Variants in EXT1 observed in about 807,000 individuals in gnomAD.
EXT1 encodes the protein exostosin glycosyltransferase 1.
A neutral mutation model predicts 82.5 loss-of-function variants in EXT1; 20 were observed. The ratio of observed to expected loss-of-function variants is 0.24; its 90% confidence interval spans 0.17 to 0.35. The LOEUF is 0.35. Ranked by LOEUF, EXT1 falls within the 10% of genes least tolerant of loss-of-function variation. The probability of loss-of-function intolerance (pLI) is 1.00; values close to 1 mark genes in which losing one functional copy is unlikely to be tolerated. For synonymous variants in EXT1, 348 were observed against 350.8 expected (o/e 0.99, Z 0.09); for missense variants, 757 against 936.5 (o/e 0.81, Z 2.50).
At chr8:117,852,553 T>C (rs1222795529) in intron 1 of EXT1, among the ~76,000 whole-genome samples, 1 of 152,210 alleles carries the variant, frequency 6.6e-6, no homozygotes, top group Non-Finnish European at 1.5e-5. Flanking sequence ...CCTAAGACTT[T>C]ATATGACTCT....
chr8:117,811,302 A>T (rs1359303741), intron 8 of EXT1, among the ~76,000 whole-genome samples: 4 of 152,124 alleles, frequency 2.6e-5, no homozygotes, highest in African/African-American at 9.7e-5. Flanking sequence ...GTGGCAGAAA[A>T]ATGCAAGCCA....
At chr8:117,994,727 G>C (rs1017202813) in intron 1 of EXT1, among the ~76,000 whole-genome samples, 2 of 152,004 alleles carry the variant, frequency 1.3e-5, no homozygotes, top group Non-Finnish European at 2.9e-5. Flanking sequence ...TAGATCCATG[G>C]AGCTAGCAAG....
At chr8:118,022,040 AC>A in intron 1 of EXT1, among the ~76,000 whole-genome samples, 1 of 152,054 alleles carries the variant, frequency 6.6e-6, no homozygotes, top group East Asian at 1.9e-4. Flanking sequence ...GCCCTGATCA[AC>A]CTATTTTGGT....
chr8:117,966,519 C>G (rs1814814325), intron 1 of EXT1, among the ~76,000 whole-genome samples: 1 of 152,166 alleles, frequency 6.6e-6, no homozygotes, highest in Non-Finnish European at 1.5e-5. Flanking sequence ...AGCTAGTTAG[C>G]ATAGGGACCA....
chr8:118,068,924 G>A (rs1479735337), intron 1 of EXT1, among the ~76,000 whole-genome samples: 3 of 152,134 alleles, frequency 2.0e-5, no homozygotes, highest in African/African-American at 7.2e-5. Context: ...TAAGCTGCAA[G>A]AAGCTTTAGA....
In EXT1 at chr8:118,110,379, G is replaced by A. The variant is rs149242997; in HGVS notation, c.668C>T (p.Thr223Ile). The A allele has an allele frequency of 1.2e-6, 2 of 1,614,076 alleles. No individual in the cohort carries two copies. Among genetic ancestry groups the A allele is most frequent in the African/African-American group, 2.7e-5 (2 of 74,916 alleles). ...ATCAAAGTTGGGTCGGAAGTTTTCA[G>A]TACTGATGCTGGCTTTGGCCAGCAT... ...QAMLAKASIS[T>I]ENFRPNFDVS... The change falls in exon 1 of 11, where the codon ACT (threonine) becomes ATT (isoleucine). Residue 223 changes from threonine (T) to isoleucine (I), a missense_variant. Thr to Ile is a moderately conservative substitution (Grantham distance 89). Coordinates refer to ENST00000378204, the MANE Select transcript of EXT1 (RefSeq NM_000127.3).
chr8:118,004,485 T>G (rs1289895557), intron 1 of EXT1, among the ~76,000 whole-genome samples: 1 of 152,190 alleles, frequency 6.6e-6, no homozygotes, highest in African/African-American at 2.4e-5. Context: ...ACTTTCTGGC[T>G]GAGGAGGAAG....
At chr8:118,016,668 A>G (rs1816009929) in intron 1 of EXT1, among the ~76,000 whole-genome samples, 1 of 152,240 alleles carries the variant, frequency 6.6e-6, no homozygotes. Context: ...TATGCTCACC[A>G]AAAGGCTTAA....
chr8:118,052,931 T>G (rs1019847191), intron 1 of EXT1, among the ~76,000 whole-genome samples: 3 of 152,194 alleles, frequency 2.0e-5, no homozygotes, highest in African/African-American at 7.2e-5. Flanking sequence ...AATCCTAGAC[T>G]GTTGCAGTGT....
intron 1 of EXT1, among the ~76,000 whole-genome samples, chr8:118,063,599 C>T (rs772647362): frequency 6.6e-5 from 10 of 152,190 alleles, no homozygotes; most frequent in Non-Finnish European, 1.0e-4. Flanking sequence ...TGAATTGCTT[C>T]AGTTCTCTGT....
At chr8:117,962,555 C>T (rs1814721715) in intron 1 of EXT1, among the ~76,000 whole-genome samples, 1 of 152,164 alleles carries the variant, frequency 6.6e-6, no homozygotes, top group Non-Finnish European at 1.5e-5. Flanking sequence ...AGTTCGAGAC[C>T]AGCCTGGCCA....
chr8:117,984,954 G>A (rs929450717), intron 1 of EXT1, among the ~76,000 whole-genome samples: 4 of 152,264 alleles, frequency 2.6e-5, no homozygotes, highest in African/African-American at 7.2e-5. Context: ...GGAACGCTAC[G>A]GACGGGCAGG....
intron 10 of EXT1, among the ~76,000 whole-genome samples, chr8:117,803,191 T>C (rs1214036400): frequency 6.6e-6 from 1 of 152,140 alleles, no homozygotes; most frequent in Non-Finnish European, 1.5e-5. Flanking sequence ...TTTTTGTTTC[T>C]TTTTTCTTTT....
intron 1 of EXT1, among the ~76,000 whole-genome samples, chr8:117,970,600 C>T (rs540355868): frequency 1.3e-5 from 2 of 152,108 alleles, no homozygotes; most frequent in African/African-American, 2.4e-5. Flanking sequence ...CCACCATGCC[C>T]GGCCAGGAAT....
At position 117,820,429 on chromosome 8, in the gene EXT1, G is replaced by A. The variant is rs17503286; in HGVS notation, c.1418-635C>T. Among the ~76,000 whole-genome samples the A allele has an allele frequency of 4.2e-3, 643 of 152,218 alleles. 5 individuals are homozygous for A. Among genetic ancestry groups the A allele is most frequent in the African/African-American group, 0.014 (584 of 41,530 alleles). On this transcript the variant is annotated intron_variant, in intron 5 of 10. Transcript: ENST00000378204. ...TTTGTCTGGGCACGGTGGCTCACACGTGTGATCCCAGCAATTTGGGAGGCT... is the reference window on the plus strand; with the variant it reads ...TTTGTCTGGGCACGGTGGCTCACACATGTGATCCCAGCAATTTGGGAGGCT...
chr8:117,801,730 TCCTGAGCTCAAGCAATCCA>T (rs1257994674), intron 10 of EXT1, among the ~76,000 whole-genome samples: 3 of 152,148 alleles, frequency 2.0e-5, no homozygotes, highest in Admixed American at 2.0e-4. Flanking sequence ...GGTCCTGAAC[TCCTGAGCTCAAGCAATCCA>T]CCTGCTCTGG....
chr8:118,020,486 T>C (rs1438742006), intron 1 of EXT1, among the ~76,000 whole-genome samples: 2 of 152,272 alleles, frequency 1.3e-5, no homozygotes, highest in Non-Finnish European at 2.9e-5. Context: ...TATAAATCAA[T>C]GTTTAGTGCA....
At chr8:117,849,685 G>A (rs930165430) in intron 1 of EXT1, among the ~76,000 whole-genome samples, 2 of 152,170 alleles carry the variant, frequency 1.3e-5, no homozygotes, top group Non-Finnish European at 2.9e-5. Flanking sequence ...ATTTCTTAAA[G>A]AACATCTTTA....
intron 1 of EXT1, among the ~76,000 whole-genome samples, chr8:117,902,782 A>C (rs1038077098): frequency 6.6e-6 from 1 of 152,228 alleles, no homozygotes; most frequent in Non-Finnish European, 1.5e-5. Flanking sequence ...TATGCCTGCC[A>C]AGGAAAAACT....
Sources: gnomAD v4.1 joint callset for allele counts (sites outside exome capture counted in the v4.1 genomes callset) on GRCh38, gnomAD v4.1.1 for gene constraint, MANE v1.5 for transcripts, NCBI Gene and HGNC (gene_info 2026-07-23, HGNC 2026-07-21) for gene names.